Variants in FSD2 observed in about 807,000 individuals in gnomAD.
The protein encoded by FSD2 is fibronectin type III and SPRY domain-containing protein 2.
Under a neutral mutation model 80.4 loss-of-function variants are expected in FSD2, and 71 were observed. The observed-to-expected ratio is 0.88, with a 90% confidence interval of 0.73 to 1.08. FSD2 has a LOEUF of 1.08. Among genes scored for constraint, FSD2 ranks in the 50% least tolerant of loss-of-function variants. The pLI is 0.00. For synonymous variants in FSD2, 361 were observed against 329.5 expected, an observed-to-expected ratio of 1.10 and a Z score of -1.03; for missense variants, 923 against 913.8, an observed-to-expected ratio of 1.01 and a Z score of -0.13.
chr15:82,769,036 T>C lies in FSD2; in HGVS notation c.1403-6A>G. 3 of 1,568,084 alleles carry C rather than the reference T, an allele frequency of 1.9e-6. No homozygotes were observed. The highest frequency in any genetic ancestry group is 2.7e-5 in the African/African-American group (2 of 73,274). The stretch of plus-strand genomic sequence containing the variant: ...AATAATGGGGGGAGAAGGTGCTAAA[T>C]GTGGGAGAAAGGGAGAGATGAACAA... On this transcript the variant is annotated splice_polypyrimidine_tract_variant and splice_region_variant and intron_variant, in intron 8 of 12. Coordinates refer to ENST00000334574, the MANE Select transcript of FSD2 (RefSeq NM_001007122.4).
chr15:82,800,150 G>C (rs529392641), intron 1 of FSD2, among the ~76,000 whole-genome samples: 1 of 152,298 alleles, frequency 6.6e-6, no homozygotes, highest in South Asian at 2.1e-4. Flanking sequence ...TCTCTGGTCA[G>C]AGATGACACC....
intron 7 of FSD2, 136 bp downstream of exon 7, chr15:82,771,937 C>T: frequency 1.1e-6 from 1 of 933,094 alleles, no homozygotes; most frequent in Middle Eastern, 3.5e-4. Flanking sequence ...CCCTGTTCAC[C>T]TGCCTGCATC....
chr15:82,785,972 C>T (rs2049986544), intron 3 of FSD2, among the ~76,000 whole-genome samples: 1 of 152,066 alleles, frequency 6.6e-6, no homozygotes, highest in Non-Finnish European at 1.5e-5. Context: ...CTCTTCACCA[C>T]CTGGGCTCAA....
Position 82,773,045 on chromosome 15 carries a change from C to T in FSD2, c.1112-817G>A, listed in dbSNP as rs1382826171. ...TATTTTTAGTAGAGACAGGGCTTCG[C>T]CATTTTGGCCACGCTGGTCTCGAAC... On this transcript the variant is annotated intron_variant, in intron 6 of 12. Transcript: ENST00000334574. Among the ~76,000 whole-genome samples the T allele has an allele frequency of 2.0e-5, 3 of 152,298 alleles. No homozygotes were observed. In the East Asian group the frequency reaches 5.8e-4, roughly 29 times the overall value.
intron 3 of FSD2, among the ~76,000 whole-genome samples, chr15:82,786,144 T>C (rs2049990569): frequency 2.0e-5 from 3 of 152,098 alleles, no homozygotes. Flanking sequence ...TAGGAGAAAA[T>C]GAAGCCAGTG....
intron 1 of FSD2, among the ~76,000 whole-genome samples, chr15:82,791,845 T>C (rs746300798): frequency 6.6e-6 from 1 of 152,260 alleles, no homozygotes; most frequent in African/African-American, 2.4e-5. Context: ...TGTGATCTTT[T>C]GTAACTGGCT....
At chr15:82,788,909 G>A (rs2050072838) in intron 1 of FSD2, among the ~76,000 whole-genome samples, 1 of 151,838 alleles carries the variant, frequency 6.6e-6, no homozygotes, top group Non-Finnish European at 1.5e-5. Flanking sequence ...AGCTACTAGG[G>A]AGGCTGAGGC....
chr15:82,785,031 G>T (rs774738186), intron 3 of FSD2, among the ~76,000 whole-genome samples: 1 of 152,172 alleles, frequency 6.6e-6, no homozygotes, highest in Non-Finnish European at 1.5e-5. Context: ...GTAATACCTT[G>T]TCAAGGCTGA....
chr15:82,760,391 A>T (rs577362304), intron 12 of FSD2, among the ~76,000 whole-genome samples: 1 of 152,312 alleles, frequency 6.6e-6, no homozygotes, highest in Admixed American at 6.5e-5. Flanking sequence ...CATCCTGTGT[A>T]CTTTGAAAAA....
At position 82,755,609 on chromosome 15, in the gene FSD2, C is replaced by T. The variant is rs138998098; in HGVS notation, c.*3739G>A. On this transcript the variant is annotated 3_prime_UTR_variant, in exon 13 of 13. Coordinates refer to ENST00000334574, the MANE Select transcript of FSD2 (RefSeq NM_001007122.4). Reference sequence around the variant, plus strand: ...GGAACTGGTGATAGCAGAAAACAAGCAGTAAAGTAGTCAGACATGATATAC... The same window carrying T: ...GGAACTGGTGATAGCAGAAAACAAGTAGTAAAGTAGTCAGACATGATATAC... 1 of 146,624 alleles carries T rather than the reference C, an allele frequency of 6.8e-6. No homozygotes were observed. The highest frequency in any genetic ancestry group is 2.0e-4 in the East Asian group (1 of 5,018). The allele number at this position is 146,624 out of a possible 1,614,324, so 9.1% of individuals were successfully genotyped here.
In FSD2 at chr15:82,778,127, C is replaced by CATATATATATATATATATATATAT. The variant is rs34527251; in HGVS notation, c.1111+615_1111+638dup. Among the ~76,000 whole-genome samples the CATATATATATATATATATATATAT allele has an allele frequency of 2.0e-3, 170 of 83,896 alleles. 2 individuals are homozygous for CATATATATATATATATATATATAT. Among genetic ancestry groups the CATATATATATATATATATATATAT allele is most frequent in the African/African-American group, 2.6e-3 (44 of 17,044 alleles). The allele number at this position is 83,896 out of a possible 152,430, so 55.0% of individuals were successfully genotyped here. A position where few individuals can be genotyped will look rare whatever the true frequency, so the allele number is the denominator to read the frequency against. On this transcript the variant is annotated intron_variant, in intron 6 of 12. Transcript: ENST00000334574. ...CTCTGAAAAAAAAACACAAAAAAAC[C>CATATATATATATATATATATATAT]ATATATATATATATATATATATATA...
chr15:82,788,890 T>C (rs1005611460), intron 1 of FSD2, among the ~76,000 whole-genome samples: 5 of 151,608 alleles, frequency 3.3e-5, no homozygotes, highest in African/African-American at 1.2e-4. Flanking sequence ...GGTGCATGCC[T>C]GTAGTCCCAG....
chr15:82,781,923 G>T (rs906335735), intron 4 of FSD2, among the ~76,000 whole-genome samples: 3 of 151,400 alleles, frequency 2.0e-5, no homozygotes, highest in Non-Finnish European at 4.4e-5. Context: ...AATTAGCTGG[G>T]CGTGGTGGCG....
intron 9 of FSD2, among the ~76,000 whole-genome samples, chr15:82,768,307 G>A (rs1035098524): frequency 2.6e-5 from 4 of 152,210 alleles, no homozygotes; most frequent in East Asian, 3.9e-4. Flanking sequence ...CCCTCCCCCC[G>A]AAGCACCCCT....
At chr15:82,797,913 GAAA>G (rs1157081845) in intron 1 of FSD2, among the ~76,000 whole-genome samples, 1 of 151,872 alleles carries the variant, frequency 6.6e-6, no homozygotes, top group Non-Finnish European at 1.5e-5. Context: ...TCATCCAAAA[GAAA>G]AAAAGAGTTT....
intron 9 of FSD2, among the ~76,000 whole-genome samples, chr15:82,767,007 G>T (rs2049439375): frequency 6.6e-6 from 1 of 152,196 alleles, no homozygotes; most frequent in Admixed American, 6.5e-5. Flanking sequence ...ATGAGGCCAA[G>T]TTGTCCAGGT....
chr15:82,797,029 A>AC (rs1053344690), intron 1 of FSD2, among the ~76,000 whole-genome samples: 51 of 123,570 alleles, frequency 4.1e-4, no homozygotes, highest in African/African-American at 1.1e-3. Context: ...TTAAAAAAAA[A>AC]AAAAAAAAAA....
chr15:82,784,739 A>G lies in FSD2; in HGVS notation c.736-1714T>C, dbSNP rs937180572. On this transcript the variant is annotated intron_variant, in intron 3 of 12. Coordinates refer to ENST00000334574, the MANE Select transcript of FSD2 (RefSeq NM_001007122.4). The stretch of plus-strand genomic sequence containing the variant: ...AATGGGCCTGGGGCTTCGTTGATTC[A>G]TATAAGATCCTCCTGTTGGTACCAT... Among the ~76,000 whole-genome samples the G allele has an allele frequency of 3.3e-5, 5 of 152,280 alleles. No homozygotes were observed. The East Asian group carries it at 5.8e-4, about 18-fold the overall frequency.
chr15:82,772,290 C>A, intron 6 of FSD2, 62 bp from the exon 7 acceptor site: 5 of 1,506,782 alleles, frequency 3.3e-6, no homozygotes, highest in Non-Finnish European at 4.5e-6. Context: ...GACAGTGGCC[C>A]CTTTCCCATG....
Sources: allele counts gnomAD v4.1 joint callset (sites outside exome capture counted in the v4.1 genomes callset), GRCh38; gene constraint gnomAD v4.1.1; transcripts MANE v1.5; gene names NCBI Gene and HGNC (gene_info 2026-07-23, HGNC 2026-07-21).